CD59: variants seen among roughly 807,000 people sequenced by gnomAD.
CD59 encodes CD59 molecule (CD59 blood group).
CD59 carries 3 observed loss-of-function variants against 7.0 expected under a neutral mutation model. That is an observed-to-expected ratio of 0.43 (90% confidence interval 0.19 to 1.10). The LOEUF (loss-of-function observed/expected upper bound fraction) is 1.10, where lower values mean the gene tolerates loss of function less well. Ranked by LOEUF, CD59 falls within the 50% of genes least tolerant of loss-of-function variation. CD59 has a pLI of 0.29. For synonymous variants in CD59, 60 were observed against 62.0 expected, an observed-to-expected ratio of 0.97 and a Z score of 0.15; for missense variants, 143 against 151.0, an observed-to-expected ratio of 0.95 and a Z score of 0.28.
rs1546727 is a variant in CD59 at position 33,704,676 on chromosome 11, G to A, written c.*5450C>T. 0.23 allele frequency: 34,736 copies of A among 152,078 alleles called. 4,699 individuals carry two copies. The highest frequency in any genetic ancestry group is 0.32 in the Middle Eastern group (94 of 294). The allele number at this position is 152,078 out of a possible 1,614,324, so 9.4% of individuals were successfully genotyped here. On this transcript the variant is annotated 3_prime_UTR_variant, in exon 4 of 4. Transcript: ENST00000642928. ...AGGTTAAGTAACTTGCCTGAGGGTC[G>A]CCGATTAGCATCAGAGCCGGCATTT...
chr11:33,721,142 AAT>A (rs1278805960), intron 2 of CD59, among the ~76,000 whole-genome samples: 1 of 152,206 alleles, frequency 6.6e-6, no homozygotes, highest in Non-Finnish European at 1.5e-5. Context: ...TTATAGAAAA[AAT>A]ATAGTGTTTT....
chr11:33,712,434 G>A (rs1179594988), intron 3 of CD59, among the ~76,000 whole-genome samples: 1 of 152,176 alleles, frequency 6.6e-6, no homozygotes, highest in Non-Finnish European at 1.5e-5. Flanking sequence ...CCACACAATA[G>A]AATACTATGT....
intron 3 of CD59, among the ~76,000 whole-genome samples, chr11:33,713,000 T>G (rs1853631445): frequency 6.6e-6 from 1 of 152,260 alleles, no homozygotes; most frequent in Non-Finnish European, 1.5e-5. Flanking sequence ...TTTAAAATAT[T>G]TGAAACTTCA....
Position 33,703,221 on chromosome 11 carries a change from T to C in CD59, c.*6905A>G, listed in dbSNP as rs1853167530. ...AATAAGAAGTTGATGACAAACTTGG[T>C]TTCTCTAACAAGTATGCAAGAAAAC... On this transcript the variant is annotated 3_prime_UTR_variant, in exon 4 of 4. Transcript: ENST00000642928. The C allele has an allele frequency of 6.6e-6, 1 of 152,128 alleles. No individual in the cohort carries two copies. The highest frequency in any genetic ancestry group is 1.5e-5 in the Non-Finnish European group (1 of 68,032). The allele number at this position is 152,128 out of a possible 1,614,324, so 9.4% of individuals were successfully genotyped here. A position where few individuals can be genotyped will look rare whatever the true frequency, so the allele number is the denominator to read the frequency against.
Position 33,704,725 on chromosome 11 carries a change from G to C in CD59, c.*5401C>G, listed in dbSNP as rs1247569915. The stretch of plus-strand genomic sequence containing the variant: ...TTCAAATAGACAGGCCAGCTCTAGA[G>C]GCCAGGGTGTTTGGACAGCCTCCAA... On this transcript the variant is annotated 3_prime_UTR_variant, in exon 4 of 4. Coordinates refer to ENST00000642928, the MANE Select transcript of CD59 (RefSeq NM_000611.6). 1 of 152,424 alleles carries C rather than the reference G, an allele frequency of 6.6e-6. No individual in the cohort carries two copies. The highest frequency in any genetic ancestry group is 1.5e-5 in the Non-Finnish European group (1 of 68,030). 9.4% of individuals were successfully genotyped at this position (152,424 alleles called of 1,614,324 possible).
At chr11:33,729,161 T>C (rs1341571649) in intron 1 of CD59, among the ~76,000 whole-genome samples, 1 of 152,226 alleles carries the variant, frequency 6.6e-6, no homozygotes, top group African/African-American at 2.4e-5. Flanking sequence ...ACTGGGTATA[T>C]ATCCAAAGGA....
intron 1 of CD59, among the ~76,000 whole-genome samples, chr11:33,727,519 A>T (rs1311655277): frequency 6.6e-6 from 1 of 152,252 alleles, no homozygotes; most frequent in Non-Finnish European, 1.5e-5. Context: ...GATGGAATGT[A>T]TCTCAAAATA....
intron 1 of CD59, among the ~76,000 whole-genome samples, chr11:33,730,015 T>C (rs990341905): frequency 2.0e-5 from 3 of 152,156 alleles, no homozygotes; most frequent in African/African-American, 7.2e-5. Flanking sequence ...ATAAACTGCA[T>C]AGCCTAGAAA....
rs1243132334 is a variant in CD59, at chr11:33,704,138, C to G, written c.*5988G>C. 6.6e-6 allele frequency: 1 copy of G among 152,180 alleles called. No homozygotes were observed. Among genetic ancestry groups the G allele is most frequent in the Admixed American group, 6.5e-5 (1 of 15,284 alleles). 9.4% of individuals were successfully genotyped at this position (152,180 alleles called of 1,614,324 possible). A position where few individuals can be genotyped will look rare whatever the true frequency, so the allele number is the denominator to read the frequency against. On this transcript the variant is annotated 3_prime_UTR_variant, in exon 4 of 4. Transcript: ENST00000642928. ...GGGATATGTCACAATTTGCCGTGCC[C>G]GGTGGCTCTGGGCAGCCTTTGGACA... is the stretch of plus-strand genomic sequence containing the variant.
At chr11:33,713,859 G>T (rs1441706930) in intron 3 of CD59, among the ~76,000 whole-genome samples, 2 of 152,190 alleles carry the variant, frequency 1.3e-5, no homozygotes, top group Admixed American at 6.5e-5. Flanking sequence ...CCACATAAAA[G>T]TGGCTTATAT....
At position 33,709,536 on chromosome 11, in the gene CD59, C is replaced by A; in HGVS notation, c.*590G>T. ...ACAGAGGAAAAACTCGATTTTCAGC[C>A]ACTTGTACCTCTCTAAGTTTTCATG... On this transcript the variant is annotated 3_prime_UTR_variant, in exon 4 of 4. Transcript: ENST00000642928. 6.2e-6 allele frequency: 1 copy of A among 160,852 alleles called. No homozygotes were observed. Among genetic ancestry groups the A allele is most frequent in the Non-Finnish European group, 1.4e-5 (1 of 72,476 alleles). 10.0% of individuals were successfully genotyped at this position (160,852 alleles called of 1,614,324 possible). A position where few individuals can be genotyped will look rare whatever the true frequency, so the allele number is the denominator to read the frequency against.
chr11:33,717,575 ATACTTCC>A (rs1853857567), intron 2 of CD59, 104 bp from the exon 3 acceptor site: 1 of 730,804 alleles, frequency 1.4e-6, no homozygotes, highest in Non-Finnish European at 2.5e-6. Flanking sequence ...AACTTGTGGT[ATACTTCC>A]ACTCCCGCAC....
chr11:33,719,995 T>C (rs1853981531), intron 2 of CD59, among the ~76,000 whole-genome samples: 1 of 152,234 alleles, frequency 6.6e-6, no homozygotes, highest in African/African-American at 2.4e-5. Context: ...TTTAAAAGGT[T>C]ACCTGTAGAC....
At chr11:33,735,910 T>C (rs1419342448) in intron 1 of CD59, among the ~76,000 whole-genome samples, 1 of 132,472 alleles carries the variant, frequency 7.5e-6, no homozygotes, top group African/African-American at 3.0e-5. Flanking sequence ...CGAAACTCCA[T>C]CTCAAAAAAA....
At chr11:33,735,649 G>A (rs542196471) in intron 1 of CD59, among the ~76,000 whole-genome samples, 4 of 152,208 alleles carry the variant, frequency 2.6e-5, no homozygotes, top group Admixed American at 6.5e-5. Context: ...CGGGCGCGGT[G>A]GCTCACACCT....
chr11:33,706,804 G>A lies in CD59; in HGVS notation c.*3322C>T, dbSNP rs1441682130. The A allele has an allele frequency of 6.6e-6, 1 of 152,172 alleles. No individual in the cohort carries two copies. The highest frequency in any genetic ancestry group is 1.5e-5 in the Non-Finnish European group (1 of 68,022). The allele number at this position is 152,172 out of a possible 1,614,324, so 9.4% of individuals were successfully genotyped here. ...GGTAACTTTCCAGTAAAAAACAATT[G>A]CACTTTGTTTTCTTTTCCAAAAAGA... On this transcript the variant is annotated 3_prime_UTR_variant, in exon 4 of 4. Transcript: ENST00000642928.
chr11:33,710,381 G>A, intron 3 of CD59, 38 bp from the exon 4 acceptor site: 1 of 1,503,844 alleles, frequency 6.6e-7, no homozygotes, highest in South Asian at 1.1e-5. Flanking sequence ...AAAGTAAGTG[G>A]GAAGAGTTCT....
chr11:33,731,172 G>A (rs1315495440), intron 1 of CD59, among the ~76,000 whole-genome samples: 1 of 152,040 alleles, frequency 6.6e-6, no homozygotes, highest in Non-Finnish European at 1.5e-5. Context: ...AGTTAAACTT[G>A]AATCTTCAAC....
chr11:33,722,571 A>G, intron 1 of CD59, 108 bp from the exon 2 acceptor site: 5 of 1,535,038 alleles, frequency 3.3e-6, no homozygotes, highest in Non-Finnish European at 8.8e-7. Flanking sequence ...GAACATTTAC[A>G]GGGGGAGTCA....
Sources: allele counts gnomAD v4.1 joint callset (sites outside exome capture counted in the v4.1 genomes callset), GRCh38; gene constraint gnomAD v4.1.1; transcripts MANE v1.5; gene names NCBI Gene and HGNC (gene_info 2026-07-23, HGNC 2026-07-21).